The following ZNF486 variants were observed in gnomAD, a reference collection of about 807,000 sequenced individuals.
ZNF486 encodes the protein zinc finger protein 486.
In ZNF486, 12 loss-of-function variants were observed where a neutral mutation model predicts 12.8. The observed-to-expected ratio is 0.94, with a 90% CI of 0.60 to 1.52. ZNF486 has a LOEUF of 1.52. Among genes scored for constraint, ZNF486 ranks in the 40% most tolerant of loss-of-function variants. The pLI is 0.00. For synonymous variants in ZNF486, 231 were observed against 184.9 expected, an observed-to-expected ratio of 1.25 and a Z score of -2.02; for missense variants, 738 against 545.0, an observed-to-expected ratio of 1.35 and a Z score of -3.53.
chr19:20,169,372 G>C, intron 1 of ZNF486, among the ~76,000 whole-genome samples: 1 of 152,008 alleles, frequency 6.6e-6, no homozygotes, highest in East Asian at 1.9e-4. Context: ...GCCTCCCAAA[G>C]TGCTGGGATT....
intron 2 of ZNF486, among the ~76,000 whole-genome samples, chr19:20,185,357 TG>T (rs1461706086): frequency 5.3e-5 from 8 of 152,012 alleles, no homozygotes; most frequent in South Asian, 2.1e-4. Context: ...TTTGCTAATT[TG>T]CTGAGTGTAT....
chr19:20,169,503 A>T (rs1240891257), intron 1 of ZNF486, among the ~76,000 whole-genome samples: 1 of 152,174 alleles, frequency 6.6e-6, no homozygotes, highest in African/African-American at 2.4e-5. Flanking sequence ...AGGAGCCTTT[A>T]TCCTGAGAGA....
rs1241966610 is a variant in ZNF486, at chr19:20,199,807, G to A, written c.*1705G>A. ...TATACTTGTTCCAGCTGCGTGTGGT[G>A]GCTCATGCCTGTAATCCCAACACTT... is the stretch of plus-strand genomic sequence containing the variant. On this transcript the variant is annotated 3_prime_UTR_variant, in exon 4 of 4. Transcript: ENST00000335117. 6.6e-6 allele frequency: 1 copy of A among 152,174 alleles called. No homozygotes were observed. 9.4% of individuals were successfully genotyped at this position (152,174 alleles called of 1,614,324 possible). A position where few individuals can be genotyped will look rare whatever the true frequency, so the allele number is the denominator to read the frequency against.
chr19:20,175,092 A>G (rs930368108), intron 1 of ZNF486: 23 of 152,220 alleles, frequency 1.5e-4, no homozygotes, highest in African/African-American at 5.5e-4. Context: ...ACAGAACAGC[A>G]GAGATGGGAA....
intron 3 of ZNF486, among the ~76,000 whole-genome samples, chr19:20,191,414 C>G (rs1383749429): frequency 6.9e-6 from 1 of 144,908 alleles, no homozygotes; most frequent in Non-Finnish European, 1.5e-5. Flanking sequence ...TTGCAGTGAG[C>G]TGAGATTGCT....
chr19:20,168,028 T>C (rs1172233340), intron 1 of ZNF486, among the ~76,000 whole-genome samples: 1 of 151,664 alleles, frequency 6.6e-6, no homozygotes, highest in South Asian at 2.1e-4. Flanking sequence ...CCCCAGCCAA[T>C]AGGGGAAGGA....
intron 3 of ZNF486, chr19:20,188,409 G>A (rs748011584): frequency 2.5e-6 from 1 of 398,438 alleles, no homozygotes. Flanking sequence ...GGCCAGGCAT[G>A]GTTGTGGCTC....
chr19:20,182,120 A>G (rs1172893171), intron 1 of ZNF486, among the ~76,000 whole-genome samples: 1 of 152,210 alleles, frequency 6.6e-6, no homozygotes, highest in Non-Finnish European at 1.5e-5. Flanking sequence ...TTGTATCAGA[A>G]GTATTTGGTT....
At chr19:20,191,191 G>T (rs782669826) in intron 3 of ZNF486, among the ~76,000 whole-genome samples, 7 of 152,188 alleles carry the variant, frequency 4.6e-5, no homozygotes, top group Non-Finnish European at 1.0e-4. Flanking sequence ...TATGCACTTG[G>T]CTGGGCACGG....
rs572853225 is a variant in ZNF486, at chr19:20,197,410, A to T, written c.700A>T (p.Arg234Ter). 3.7e-6 allele frequency: 6 copies of T among 1,611,542 alleles called. No homozygotes were observed. The South Asian group carries it at 4.4e-5, about 12-fold the overall frequency. ...TACTACACATAAGATAACTCATACT[A>T]GAGAGAAACCCTACAAATGTGAAGA... is the stretch of plus-strand genomic sequence containing the variant. ...HLTTHKITHTREKPYKCEECG... is the reference protein window; with the variant it reads ...HLTTHKITHT The change falls in exon 4 of 4, where the codon AGA (arginine) becomes TGA (stop). Residue 234 changes from arginine to a stop codon, truncating the protein, a stop_gained. Coordinates refer to ENST00000335117, the MANE Select transcript of ZNF486 (RefSeq NM_052852.4). LOFTEE classifies it low-confidence loss of function (END_TRUNC).
chr19:20,181,658 G>A (rs1394864511), intron 1 of ZNF486, among the ~76,000 whole-genome samples: 1 of 152,024 alleles, frequency 6.6e-6, no homozygotes, highest in African/African-American at 2.4e-5. Flanking sequence ...TTCTATTCTT[G>A]CAGATCCAGT....
intron 3 of ZNF486, among the ~76,000 whole-genome samples, chr19:20,195,765 CAT>C (rs2089952203): frequency 6.6e-6 from 1 of 152,174 alleles, no homozygotes; most frequent in African/African-American, 2.4e-5. Context: ...TCAGCTTATT[CAT>C]ATCTCTTCTT....
At chr19:20,195,234 T>C (rs2089946902) in intron 3 of ZNF486, among the ~76,000 whole-genome samples, 1 of 152,206 alleles carries the variant, frequency 6.6e-6, no homozygotes, top group East Asian at 1.9e-4. Context: ...AGTGGTACAA[T>C]CTCCACTCAC....
intron 2 of ZNF486, among the ~76,000 whole-genome samples, chr19:20,185,409 T>G (rs914789240): frequency 9.1e-5 from 12 of 132,184 alleles, no homozygotes; most frequent in South Asian, 2.5e-4. Context: ...TTTATGTTTT[T>G]TTTTTTTTTT....
At chr19:20,193,812 T>A (rs1301370955) in intron 3 of ZNF486, among the ~76,000 whole-genome samples, 2 of 152,150 alleles carry the variant, frequency 1.3e-5, no homozygotes, top group African/African-American at 4.8e-5. Flanking sequence ...TTTTTTGTGT[T>A]TTTTTAATTT....
intron 3 of ZNF486, chr19:20,188,489 G>C: frequency 2.5e-6 from 1 of 398,388 alleles, no homozygotes; most frequent in South Asian, 1.3e-4. Context: ...TTTGAGACCA[G>C]CCTGGGAAAG....
chr19:20,167,460 T>C, intron 1 of ZNF486, 100 bp downstream of exon 1: 1 of 1,406,648 alleles, frequency 7.1e-7, no homozygotes, highest in South Asian at 1.3e-5. Context: ...CTCCACAATC[T>C]GCGTCCGGAC....
intron 1 of ZNF486, among the ~76,000 whole-genome samples, chr19:20,178,585 G>A (rs905414418): frequency 1.3e-5 from 2 of 152,156 alleles, no homozygotes; most frequent in Admixed American, 1.3e-4. Flanking sequence ...ACACTGTCTA[G>A]AATTACCAGA....
Position 20,187,500 on chromosome 19 carries a change from G to GTTT in ZNF486, c.253+1437_253+1439dup, listed in dbSNP as rs57208523. Among the ~76,000 whole-genome samples, 958 of 119,618 alleles carry GTTT rather than the reference G, an allele frequency of 8.0e-3. 32 individuals are homozygous for GTTT. The highest frequency in any genetic ancestry group is 0.03 in the African/African-American group (885 of 29,998). The allele number at this position is 119,618 out of a possible 152,430, so 78.5% of individuals were successfully genotyped here. A position where few individuals can be genotyped will look rare whatever the true frequency, so the allele number is the denominator to read the frequency against. On this transcript the variant is annotated intron_variant, in intron 3 of 3. Coordinates refer to ENST00000335117, the MANE Select transcript of ZNF486 (RefSeq NM_052852.4). ...TTTGATGGAGCAAACACCTCTTCAA[G>GTTT]TTTTTTTTTTTTTTTTTTTTTGAGA...
Sources: gnomAD v4.1 joint callset for allele counts (sites outside exome capture counted in the v4.1 genomes callset) on GRCh38, gnomAD v4.1.1 for gene constraint, MANE v1.5 for transcripts, NCBI Gene and HGNC (gene_info 2026-07-23, HGNC 2026-07-21) for gene names.